ELP1: variants seen among roughly 807,000 people sequenced by gnomAD.
The protein encoded by ELP1 is elongator acetyltransferase complex subunit 1.
Under a neutral mutation model 183.2 loss-of-function variants are expected in ELP1, and 131 were observed. The observed-to-expected ratio is 0.72, with a 90% CI of 0.62 to 0.83. The LOEUF (loss-of-function observed/expected upper bound fraction) is 0.83. Ranked by LOEUF, ELP1 falls within the 40% of genes least tolerant of loss-of-function variation. ELP1 has a pLI of 0.00. For missense variants in ELP1, 1,550 were observed against 1,594.9 expected, an observed-to-expected ratio of 0.97 and a Z score of 0.48; for synonymous variants, 555 against 569.0, an observed-to-expected ratio of 0.98 and a Z score of 0.35.
At chr9:108,902,359 T>C (rs1372027640) in intron 16 of ELP1, among the ~76,000 whole-genome samples, 10 of 152,304 alleles carry the variant, frequency 6.6e-5, no homozygotes, top group Non-Finnish European at 1.5e-4. Context: ...ACTCTGTCCA[T>C]TTCCATCACA....
At chr9:108,879,594 C>G in intron 32 of ELP1, 37 bp from the exon 33 acceptor site, 1 of 1,435,268 alleles carries the variant, frequency 7.0e-7, no homozygotes. Context: ...GAAAACACTG[C>G]CTGCTAATGT....
chr9:108,868,927 G>T lies in ELP1; in HGVS notation c.*188C>A. 3 of 653,936 alleles carry T rather than the reference G, an allele frequency of 4.6e-6. No homozygotes were observed. In the South Asian group the frequency reaches 5.2e-5, roughly 11 times the overall value. 40.5% of individuals were successfully genotyped at this position (653,936 alleles called of 1,614,324 possible). A position where few individuals can be genotyped will look rare whatever the true frequency, so the allele number is the denominator to read the frequency against. ...AGCTTAATGTCTTGCTAATGATCAAGATGTATACACAACATAAAATAAATA... is the reference window on the plus strand; with the variant it reads ...AGCTTAATGTCTTGCTAATGATCAATATGTATACACAACATAAAATAAATA... On this transcript the variant is annotated 3_prime_UTR_variant, in exon 37 of 37. Coordinates refer to ENST00000374647, the MANE Select transcript of ELP1 (RefSeq NM_003640.5).
intron 13 of ELP1, among the ~76,000 whole-genome samples, chr9:108,907,839 A>C (rs1210206612): frequency 6.6e-6 from 1 of 152,228 alleles, no homozygotes; most frequent in Non-Finnish European, 1.5e-5. Flanking sequence ...CCAATTGTTT[A>C]CAATACTGTT....
At chr9:108,912,899 C>G (rs10979609) in intron 10 of ELP1, among the ~76,000 whole-genome samples, 16,873 of 149,650 alleles carry the variant, frequency 0.11, 1,381 homozygotes, top group African/African-American at 0.23. Context: ...GGACTACAGG[C>G]GCCCACCACC....
chr9:108,892,958 G>A (rs375127012), intron 27 of ELP1, 28 bp downstream of exon 27: 103 of 1,536,306 alleles, frequency 6.7e-5, no homozygotes, highest in Non-Finnish European at 9.2e-5. Context: ...GCAAAACCAG[G>A]AGAGCCTCAT....
At chr9:108,933,246 C>A (rs1463866430) in intron 1 of ELP1, among the ~76,000 whole-genome samples, 1 of 152,198 alleles carries the variant, frequency 6.6e-6, no homozygotes, top group Non-Finnish European at 1.5e-5. Flanking sequence ...AGCTGAAAAA[C>A]TGTCTTTGCT....
intron 32 of ELP1, 40 bp from the exon 33 acceptor site, chr9:108,879,597 G>T: frequency 2.1e-6 from 3 of 1,406,030 alleles, no homozygotes; most frequent in Non-Finnish European, 3.0e-6. Context: ...AACACTGCCT[G>T]CTAATGTGTG....
Position 108,931,270 on chromosome 9 carries a change from G to A in ELP1, c.-55-69C>T, listed in dbSNP as rs1257566549. On this transcript the variant is annotated intron_variant, in intron 1 of 36. Transcript: ENST00000374647. ...TTATTTAAATGAAATGATTCAGGGG[G>A]TGAAGAAGTGGTAGTCAGAATCAGA... is the stretch of plus-strand genomic sequence containing the variant. The A allele has an allele frequency of 7.9e-6, 8 of 1,010,534 alleles. No individual in the cohort carries two copies. In the Admixed American group the frequency reaches 1.3e-4, roughly 17 times the overall value. 62.6% of individuals were successfully genotyped at this position (1,010,534 alleles called of 1,614,324 possible).
intron 3 of ELP1, 60 bp from the exon 4 acceptor site, chr9:108,927,513 T>C: frequency 7.8e-7 from 1 of 1,279,462 alleles, no homozygotes; most frequent in Non-Finnish European, 1.1e-6. Flanking sequence ...AAAAACTGAC[T>C]GCAACTTCAA....
At chr9:108,927,821 G>T (rs1200207537) in intron 3 of ELP1, among the ~76,000 whole-genome samples, 1 of 152,110 alleles carries the variant, frequency 6.6e-6, no homozygotes, top group African/African-American at 2.4e-5. Flanking sequence ...ACTTATTTGT[G>T]CGATCTAAAA....
At position 108,912,335 on chromosome 9, in the gene ELP1, C is replaced by A. The variant is rs141141120; in HGVS notation, c.1118G>T (p.Trp373Leu). ...CQGWHYLAYD[W>L]HWTTDRSVGD... ...CACGCTCCGGTCAGTCGTCCAGTGC[C>A]AATCATAGGCGAGGTAATGCCAGCC... The change falls in exon 11 of 37, where the codon TGG (tryptophan) becomes TTG (leucine). Residue 373 changes from tryptophan to leucine, a missense_variant. By Grantham distance (61) the Trp-to-Leu change is moderately conservative. Coordinates refer to ENST00000374647, the MANE Select transcript of ELP1 (RefSeq NM_003640.5). The A allele has an allele frequency of 2.1e-5, 34 of 1,614,014 alleles. No individual in the cohort carries two copies. Among genetic ancestry groups the A allele is most frequent in the Non-Finnish European group, 2.9e-5 (34 of 1,180,044 alleles).
At chr9:108,878,240 C>A in intron 34 of ELP1, 91 bp from the exon 35 acceptor site, 2 of 1,098,470 alleles carry the variant, frequency 1.8e-6, no homozygotes, top group South Asian at 1.3e-5. Flanking sequence ...CCAAAAATTT[C>A]TATGATCCCA....
At chr9:108,900,182 T>A in intron 19 of ELP1, 78 bp downstream of exon 19, 5 of 1,050,584 alleles carry the variant, frequency 4.8e-6, no homozygotes, top group Non-Finnish European at 7.4e-6. Flanking sequence ...AAGCCTAAAA[T>A]ACAACCTGCA....
At chr9:108,904,946 C>T (rs1034393687) in intron 14 of ELP1, among the ~76,000 whole-genome samples, 1 of 152,178 alleles carries the variant, frequency 6.6e-6, no homozygotes, top group Non-Finnish European at 1.5e-5. Flanking sequence ...ATTTCCTTTA[C>T]AGCAAATGAG....
rs768796350 is a variant in ELP1, at chr9:108,906,377, G to A, written c.1569C>T (p.Ser523=). 4 of 1,614,094 alleles carry A rather than the reference G, an allele frequency of 2.5e-6. No homozygotes were observed. The highest frequency in any genetic ancestry group is 3.4e-6 in the Non-Finnish European group (4 of 1,179,944). Reference sequence around the variant, plus strand: ...TCAAATGGTGAATGACAGACCGGGGGCTGAACTCACTGTGGCTTACAGCCA... The same window carrying A: ...TCAAATGGTGAATGACAGACCGGGGACTGAACTCACTGTGGCTTACAGCCA... ...VFLAVSHSEF[S]PRSVIHHLTA... The change falls in exon 14 of 37, where the codon AGC becomes AGT. Residue 523 remains serine (S), a synonymous_variant. Coordinates refer to ENST00000374647, the MANE Select transcript of ELP1 (RefSeq NM_003640.5).
intron 35 of ELP1, among the ~76,000 whole-genome samples, chr9:108,876,846 C>T (rs1479383447): frequency 6.6e-6 from 1 of 151,984 alleles, no homozygotes; most frequent in Non-Finnish European, 1.5e-5. Context: ...ATTCTCTTGC[C>T]TCAGCCTCCT....
chr9:108,875,995 G>A (rs571407725), intron 35 of ELP1, among the ~76,000 whole-genome samples: 6 of 152,070 alleles, frequency 3.9e-5, no homozygotes, highest in African/African-American at 1.4e-4. Flanking sequence ...TCTTCAAGCC[G>A]GGCATGGTGG....
At chr9:108,894,089 C>T (rs1236492643) in intron 25 of ELP1, 23 bp from the exon 26 acceptor site, 1 of 1,343,970 alleles carries the variant, frequency 7.4e-7, no homozygotes, top group Non-Finnish European at 1.1e-6. Flanking sequence ...TTAATGAGAA[C>T]TTTATTACTT....
chr9:108,933,691 T>C (rs1243974829), intron 1 of ELP1, among the ~76,000 whole-genome samples, 173 bp downstream of exon 1: 2 of 152,244 alleles, frequency 1.3e-5, no homozygotes, highest in Admixed American at 6.5e-5. Flanking sequence ...GCGCCCCCGA[T>C]GGAGCAGGTG....
Sources: gnomAD v4.1 joint callset for allele counts (sites outside exome capture counted in the v4.1 genomes callset) on GRCh38, gnomAD v4.1.1 for gene constraint, MANE v1.5 for transcripts, NCBI Gene and HGNC (gene_info 2026-07-23, HGNC 2026-07-21) for gene names.